SMG6: variants seen among roughly 807,000 people sequenced by gnomAD.
The protein encoded by SMG6 is telomerase-binding protein EST1A.
A neutral mutation model predicts 142.2 loss-of-function variants in SMG6; 66 were observed. The observed-to-expected ratio is 0.46, with a 90% CI of 0.38 to 0.57. SMG6 has a LOEUF of 0.57. Ranked by LOEUF, SMG6 falls within the 20% of genes least tolerant of loss-of-function variation. The pLI, the probability that SMG6 is intolerant of heterozygous loss-of-function variation, is 0.00. For missense variants in SMG6, 1,793 were observed against 1,832.0 expected, an observed-to-expected ratio of 0.98 and a Z score of 0.39; for synonymous variants, 779 against 702.4, an observed-to-expected ratio of 1.11 and a Z score of -1.72.
chr17:2,152,760 T>C (rs928080203), intron 13 of SMG6, among the ~76,000 whole-genome samples: 1 of 152,236 alleles, frequency 6.6e-6, no homozygotes, highest in Non-Finnish European at 1.5e-5. Flanking sequence ...AACAGTTTGC[T>C]GGTCTCTAGC....
At chr17:2,121,544 T>C (rs942506082) in intron 13 of SMG6, among the ~76,000 whole-genome samples, 2 of 124,012 alleles carry the variant, frequency 1.6e-5, no homozygotes, top group African/African-American at 3.6e-5. Flanking sequence ...TGATTATTTA[T>C]ATATACACAC....
At chr17:2,296,024 A>G (rs1269070298) in intron 4 of SMG6, among the ~76,000 whole-genome samples, 1 of 151,902 alleles carries the variant, frequency 6.6e-6, no homozygotes, top group African/African-American at 2.4e-5. Flanking sequence ...TGACTCCTCT[A>G]TCTCCACTCT....
At chr17:2,107,246 G>C (rs1008821054) in intron 13 of SMG6, among the ~76,000 whole-genome samples, 1 of 152,000 alleles carries the variant, frequency 6.6e-6, no homozygotes, top group African/African-American at 2.4e-5. Flanking sequence ...GGTCAGGCAG[G>C]GCAGGGATCT....
chr17:2,065,787 C>G (rs2067925603), intron 16 of SMG6, 108 bp from the exon 17 acceptor site: 1 of 928,960 alleles, frequency 1.1e-6, no homozygotes, highest in African/African-American at 1.6e-5. Flanking sequence ...AGAATCCATC[C>G]TTCCCCCACA....
intron 4 of SMG6, among the ~76,000 whole-genome samples, chr17:2,293,622 A>C (rs941072708): frequency 1.3e-5 from 2 of 152,024 alleles, no homozygotes; most frequent in Non-Finnish European, 2.9e-5. Context: ...GGCATGCGCC[A>C]CCATGCCTGG....
intron 11 of SMG6, among the ~76,000 whole-genome samples, chr17:2,187,572 G>A (rs1176498255): frequency 1.3e-5 from 2 of 152,122 alleles, no homozygotes; most frequent in Admixed American, 6.5e-5. Context: ...TGGTTCAGAA[G>A]AAAAATAATA....
chr17:2,295,909 T>G (rs2151404968), intron 4 of SMG6, among the ~76,000 whole-genome samples: 1 of 152,282 alleles, frequency 6.6e-6, no homozygotes, highest in East Asian at 1.9e-4. Context: ...ATCTCATCCC[T>G]CACACCAAAT....
intron 8 of SMG6, among the ~76,000 whole-genome samples, chr17:2,263,093 C>G (rs1372221684): frequency 6.6e-6 from 1 of 152,110 alleles, no homozygotes; most frequent in African/African-American, 2.4e-5. Context: ...AAGGTCACGA[C>G]CGAAGATAAA....
Position 2,073,336 on chromosome 17 carries a change from G to A in SMG6, c.3682-4405C>T, listed in dbSNP as rs548998927. Among the ~76,000 whole-genome samples the A allele has an allele frequency of 4.1e-3, 618 of 151,962 alleles. 6 individuals carry two copies. The highest frequency in any genetic ancestry group is 0.014 in the African/African-American group (569 of 41,444). Reference sequence around the variant, plus strand: ...CGACCTCAGGTGATCCGCCCGCCTCGGTCCCCCAAAGTGCTGGGATTACAG... The same window carrying A: ...CGACCTCAGGTGATCCGCCCGCCTCAGTCCCCCAAAGTGCTGGGATTACAG... On this transcript the variant is annotated intron_variant, in intron 15 of 18. Transcript: ENST00000263073.
chr17:2,089,556 C>A (rs570635603), intron 13 of SMG6: 1 of 152,498 alleles, frequency 6.6e-6, no homozygotes, highest in Non-Finnish European at 1.5e-5. Flanking sequence ...TGAAAGAAAG[C>A]CCCTTTCCCT....
intron 13 of SMG6, among the ~76,000 whole-genome samples, chr17:2,149,862 A>G (rs1323602281): frequency 1.3e-5 from 2 of 152,238 alleles, no homozygotes; most frequent in Non-Finnish European, 2.9e-5. Context: ...CTAAGTCCAC[A>G]GGACTTTAAT....
At chr17:2,266,793 G>A (rs774147005) in intron 8 of SMG6, among the ~76,000 whole-genome samples, 1 of 152,184 alleles carries the variant, frequency 6.6e-6, no homozygotes, top group Non-Finnish European at 1.5e-5. Flanking sequence ...TGAGAAACTT[G>A]CACTCACTAC....
intron 13 of SMG6, among the ~76,000 whole-genome samples, chr17:2,119,807 G>A (rs931437567): frequency 1.6e-4 from 24 of 152,124 alleles, no homozygotes; most frequent in Non-Finnish European, 2.1e-4. Flanking sequence ...GGCTACAGAC[G>A]CCCGCTGCCA....
At position 2,104,246 on chromosome 17, in the gene SMG6, C is replaced by T. The variant is rs866806954; in HGVS notation, c.3358-18345G>A. Among the ~76,000 whole-genome samples, 20 of 152,052 alleles carry T rather than the reference C, an allele frequency of 1.3e-4. 1 individual carries two copies. Among genetic ancestry groups the T allele is most frequent in the Admixed American group, 1.2e-3 (19 of 15,274 alleles). The stretch of plus-strand genomic sequence containing the variant: ...GATTACAGGCGTGAGCCACCGCGCC[C>T]GGCCACACCTGGCTAATTTTTGTAT... On this transcript the variant is annotated intron_variant, in intron 13 of 18. Transcript: ENST00000263073.
chr17:2,220,603 C>T (rs1193599446), intron 10 of SMG6, among the ~76,000 whole-genome samples: 4 of 152,284 alleles, frequency 2.6e-5, no homozygotes, highest in Admixed American at 6.5e-5. Flanking sequence ...GTACTCCAGC[C>T]TGGGCAACAC....
chr17:2,175,198 C>G (rs914895908), intron 12 of SMG6, among the ~76,000 whole-genome samples: 1 of 152,178 alleles, frequency 6.6e-6, no homozygotes, highest in African/African-American at 2.4e-5. Context: ...TGCTCGGCTG[C>G]AGAGCAGCAA....
intron 13 of SMG6, among the ~76,000 whole-genome samples, chr17:2,161,941 A>G: frequency 6.6e-6 from 1 of 152,148 alleles, no homozygotes; most frequent in East Asian, 1.9e-4. Flanking sequence ...AATGATAGAG[A>G]GGGAGGTCTA....
chr17:2,091,813 G>A (rs1300064307), intron 13 of SMG6, among the ~76,000 whole-genome samples: 1 of 150,716 alleles, frequency 6.6e-6, no homozygotes, highest in African/African-American at 2.4e-5. Flanking sequence ...TGGGACTACA[G>A]GCACCCGCCA....
chr17:2,289,893 G>A (rs1157531102), intron 6 of SMG6, among the ~76,000 whole-genome samples: 3 of 149,772 alleles, frequency 2.0e-5, no homozygotes, highest in Admixed American at 6.7e-5. Context: ...TCCGGCCTGC[G>A]CAACAAAGCG....
Sources: allele counts gnomAD v4.1 joint callset (sites outside exome capture counted in the v4.1 genomes callset), GRCh38; gene constraint gnomAD v4.1.1; transcripts MANE v1.5; gene names NCBI Gene and HGNC (gene_info 2026-07-23, HGNC 2026-07-21).